Variants in SETDB1 observed in about 807,000 individuals in gnomAD.
The protein encoded by SETDB1 is histone-lysine N-methyltransferase SETDB1.
SETDB1 carries 31 observed loss-of-function variants against 137.4 expected under a neutral mutation model. That is an observed-to-expected ratio of 0.23 (90% CI 0.17 to 0.30). The LOEUF (loss-of-function observed/expected upper bound fraction) is 0.30, where lower values mean the gene tolerates loss of function less well. Ranked by LOEUF, SETDB1 falls within the 10% of genes least tolerant of loss-of-function variation. The pLI is 1.00. For missense variants in SETDB1, 1,113 were observed against 1,631.5 expected (o/e 0.68, Z 5.47); for synonymous variants, 548 against 579.9 (o/e 0.95, Z 0.79).
At position 150,962,570 on chromosome 1, in the gene SETDB1, C is replaced by T. The variant is rs199948077; in HGVS notation, c.3162-17C>T. ...CAGCCAGTAACCTGTTGGCTTCATT[C>T]CTTCCCCTCCCATTAGAGTTACTGA... On this transcript the variant is annotated splice_polypyrimidine_tract_variant and intron_variant, in intron 17 of 21. Coordinates refer to ENST00000692827, the MANE Select transcript of SETDB1 (RefSeq NM_001366418.1). 4.7e-5 allele frequency: 76 copies of T among 1,613,258 alleles called. No individual in the cohort carries two copies. The highest frequency in any genetic ancestry group is 6.0e-5 in the Non-Finnish European group (71 of 1,179,374).
chr1:150,945,347 T>A (rs988369646), intron 9 of SETDB1: 45 of 1,392,948 alleles, frequency 3.2e-5, no homozygotes, highest in Non-Finnish European at 3.8e-5. Flanking sequence ...TTATTTATTT[T>A]TTTTCTTTAG....
At chr1:150,961,285 T>C (rs890433748) in intron 16 of SETDB1, 94 bp downstream of exon 16, 12 of 1,264,382 alleles carry the variant, frequency 9.5e-6, no homozygotes, top group Non-Finnish European at 3.4e-6. Context: ...TAGATTATTC[T>C]ACTTGATGGA....
intron 14 of SETDB1, among the ~76,000 whole-genome samples, chr1:150,953,096 T>C (rs1473049852): frequency 6.6e-6 from 1 of 151,932 alleles, no homozygotes; most frequent in Non-Finnish European, 1.5e-5. Flanking sequence ...TGCCCCAACA[T>C]TTAAAGGTTG....
intron 16 of SETDB1, 123 bp from the exon 17 acceptor site, chr1:150,962,007 C>G (rs587686826): frequency 8.6e-7 from 1 of 1,161,504 alleles, no homozygotes; most frequent in African/African-American, 1.5e-5. Context: ...GTTTACCCAC[C>G]CCACTTTAGA....
At position 150,950,473 on chromosome 1, in the gene SETDB1, C is replaced by T. The variant is rs376221752; in HGVS notation, c.1599C>T (p.Ser533=). ...INQTYRSPLG[S]TASAPAPSAL... is the part of the protein sequence containing the mutation. ...TCATTTGCAGATCACCTTTAGGCTC[C>T]ACAGCCTCTGCCCCAGCACCCTCAG... is the stretch of plus-strand genomic sequence containing the variant. Residue 533 remains serine, a synonymous_variant, in exon 13 of 22, where the codon TCC becomes TCT. Transcript: ENST00000692827. 56 of 1,601,022 alleles carry T rather than the reference C, an allele frequency of 3.5e-5. No individual in the cohort carries two copies. The highest frequency in any genetic ancestry group is 4.7e-5 in the Non-Finnish European group (55 of 1,173,614).
At chr1:150,939,251 ATT>A (rs71580343) in intron 3 of SETDB1, among the ~76,000 whole-genome samples, 30 of 107,172 alleles carry the variant, frequency 2.8e-4, no homozygotes, top group African/African-American at 8.8e-4. Flanking sequence ...TGCACCCAGC[ATT>A]TTTTTTTTTT....
chr1:150,933,402 A>C, intron 3 of SETDB1, among the ~76,000 whole-genome samples: 1 of 113,614 alleles, frequency 8.8e-6, no homozygotes. Flanking sequence ...GTCTTGCTCC[A>C]TTGCCCTGGC....
In SETDB1 at chr1:150,942,924, A is replaced by G. The variant is rs1015856143; in HGVS notation, c.746A>G (p.Tyr249Cys). Residue 249 changes from tyrosine (Y) to cysteine (C), a missense_variant, in exon 7 of 22, where the codon TAT (tyrosine) becomes TGT (cysteine). By Grantham distance (194) the Tyr-to-Cys change is radical. Transcript: ENST00000692827. ...CTACTGTCGGGGAACCATATTGCCTATGATTACCACCCTCCTGCTGACAAG... is the reference window on the plus strand; with the variant it reads ...CTACTGTCGGGGAACCATATTGCCTGTGATTACCACCCTCCTGCTGACAAG... ...KSLLSGNHIA[Y>C]DYHPPADKLY... 3.1e-6 allele frequency: 5 copies of G among 1,613,988 alleles called. No homozygotes were observed. Among genetic ancestry groups the G allele is most frequent in the African/African-American group, 1.3e-5 (1 of 74,924 alleles).
intron 20 of SETDB1, 22 bp from the exon 21 acceptor site, chr1:150,963,973 G>C: frequency 1.2e-6 from 2 of 1,608,414 alleles, no homozygotes. Flanking sequence ...GTTCTTATTT[G>C]ATCCTGTCCT....
At chr1:150,943,355 G>T (rs1670222776) in intron 7 of SETDB1, among the ~76,000 whole-genome samples, 1 of 152,166 alleles carries the variant, frequency 6.6e-6, no homozygotes, top group Non-Finnish European at 1.5e-5. Flanking sequence ...GTTATTGGCA[G>T]CATAGGAATC....
rs201661003 is a variant in SETDB1 at position 150,964,404 on chromosome 1, C to T, written c.*40C>T. On this transcript the variant is annotated 3_prime_UTR_variant, in exon 22 of 22. Transcript: ENST00000692827. ...CCCAACCCTTCTTGAACTGTCGTTT[C>T]CTCAGGAACTGGGTCTTCCTGATTG... 580 of 1,453,120 alleles carry T rather than the reference C, an allele frequency of 4.0e-4. No homozygotes were observed. Among genetic ancestry groups the T allele is most frequent in the Non-Finnish European group, 4.9e-4 (505 of 1,038,076 alleles). 90.0% of individuals were successfully genotyped at this position (1,453,120 alleles called of 1,614,324 possible).
At chr1:150,929,483 G>A (rs1280742978) in intron 2 of SETDB1, among the ~76,000 whole-genome samples, 3 of 151,806 alleles carry the variant, frequency 2.0e-5, no homozygotes, top group African/African-American at 7.3e-5. Context: ...AGTTCAAGCA[G>A]CTCTCCTGTC....
chr1:150,935,225 G>T (rs6587542), intron 3 of SETDB1, among the ~76,000 whole-genome samples: 66,596 of 152,052 alleles, frequency 0.44, 15,260 homozygotes, highest in African/African-American at 0.55. Flanking sequence ...GAAAGTCAGA[G>T]GAAATTATTT....
chr1:150,955,517 T>G lies in SETDB1; in HGVS notation c.2334-3661T>G, dbSNP rs754367636. On this transcript the variant is annotated intron_variant, in intron 14 of 21. Coordinates refer to ENST00000692827, the MANE Select transcript of SETDB1 (RefSeq NM_001366418.1). Reference sequence around the variant, plus strand: ...TGCCTTCTTCTTGGCATCCTTCCACTTTTCTTTGTGTGGCTATCTTCTTTA... The same window carrying G: ...TGCCTTCTTCTTGGCATCCTTCCACGTTTCTTTGTGTGGCTATCTTCTTTA... Among the ~76,000 whole-genome samples the G allele has an allele frequency of 1.4e-4, 22 of 152,334 alleles. No homozygotes were observed. In the South Asian group the frequency reaches 2.3e-3, roughly 16 times the overall value.
chr1:150,937,035 G>A (rs916672890), intron 3 of SETDB1, among the ~76,000 whole-genome samples: 9 of 152,182 alleles, frequency 5.9e-5, no homozygotes, highest in Non-Finnish European at 1.2e-4. Context: ...AGCGGCACAA[G>A]AATTGCTTGA....
At chr1:150,934,118 G>A (rs1021898327) in intron 3 of SETDB1, among the ~76,000 whole-genome samples, 2 of 151,810 alleles carry the variant, frequency 1.3e-5, no homozygotes, top group African/African-American at 4.8e-5. Context: ...CATAAAAGGG[G>A]TTGCATCTGT....
chr1:150,926,578 TGGGA>T, intron 1 of SETDB1, 61 bp downstream of exon 1: 1 of 375,550 alleles, frequency 2.7e-6, no homozygotes, highest in South Asian at 1.9e-5. Flanking sequence ...GTTTTGTTTG[TGGGA>T]GGGGGTCGGG....
intron 10 of SETDB1, 37 bp from the exon 11 acceptor site, chr1:150,949,085 A>G: frequency 6.3e-7 from 1 of 1,588,534 alleles, no homozygotes; most frequent in Non-Finnish European, 8.6e-7. Flanking sequence ...CGTCATAGCT[A>G]TCATCTTCTC....
intron 14 of SETDB1, among the ~76,000 whole-genome samples, chr1:150,954,181 G>C (rs1369924555): frequency 1.3e-5 from 2 of 152,114 alleles, no homozygotes; most frequent in East Asian, 3.9e-4. Flanking sequence ...AATTAGCCGG[G>C]CATGGTAGAT....
Sources: gnomAD v4.1 joint callset for allele counts (sites outside exome capture counted in the v4.1 genomes callset) on GRCh38, gnomAD v4.1.1 for gene constraint, MANE v1.5 for transcripts, NCBI Gene and HGNC (gene_info 2026-07-23, HGNC 2026-07-21) for gene names.